The following CHRM1 variants were observed in gnomAD, a reference collection of about 807,000 sequenced individuals.
CHRM1 encodes cholinergic receptor muscarinic 1.
Under a neutral mutation model 31.6 loss-of-function variants are expected in CHRM1, and 5 were observed. The observed-to-expected ratio is 0.16, with a 90% confidence interval of 0.08 to 0.33. The LOEUF (loss-of-function observed/expected upper bound fraction) is 0.33, where lower values mean the gene tolerates loss of function less well. Among genes scored for constraint, CHRM1 ranks in the 10% least tolerant of loss-of-function variants. The pLI is 1.00. For missense variants in CHRM1, 338 were observed against 610.3 expected, an observed-to-expected ratio of 0.55 and a Z score of 4.70; for synonymous variants, 227 against 249.7, an observed-to-expected ratio of 0.91 and a Z score of 0.86.
chr11:62,914,082 C>T (rs2085887629), intron 1 of CHRM1, among the ~76,000 whole-genome samples: 2 of 152,112 alleles, frequency 1.3e-5, no homozygotes, highest in African/African-American at 4.8e-5. Flanking sequence ...GCTGGGACTA[C>T]AGGCGCCTGC....
chr11:62,921,147 C>T (rs895384009), intron 1 of CHRM1, 71 bp downstream of exon 1: 2 of 152,782 alleles, frequency 1.3e-5, no homozygotes, highest in African/African-American at 2.4e-5. Flanking sequence ...CCCTGCCCTC[C>T]CCCGCTCCCC....
chr11:62,911,520 C>T (rs562164230), intron 1 of CHRM1, among the ~76,000 whole-genome samples: 49 of 152,220 alleles, frequency 3.2e-4, no homozygotes, highest in Non-Finnish European at 6.3e-4. Context: ...TGTATACAGT[C>T]CTGCCAAATT....
intron 1 of CHRM1, among the ~76,000 whole-genome samples, chr11:62,912,205 A>G (rs1277376262): frequency 6.6e-6 from 1 of 151,846 alleles, no homozygotes; most frequent in East Asian, 1.9e-4. Context: ...CATCTCTACT[A>G]AAAATACAAA....
At chr11:62,919,556 C>T (rs2085919855) in intron 1 of CHRM1, among the ~76,000 whole-genome samples, 1 of 152,156 alleles carries the variant, frequency 6.6e-6, no homozygotes, top group Admixed American at 6.5e-5. Context: ...TCCGCAAGCC[C>T]CCTGCTCCTG....
chr11:62,910,225 C>A lies in CHRM1; in HGVS notation c.876G>T (p.Glu292Asp). ...EGSMESLTSS[E>D]GEEPGSEVVI... is the part of the protein sequence containing the mutation. ...CCACTTCGGAGCCAGGCTCCTCTCC[C>A]TCTGAGGATGTGAGGGACTCCATGG... The change falls in exon 2 of 2, where the codon GAG becomes GAT. Residue 292 changes from glutamate to aspartate, a missense_variant. Physicochemically the swap from Glu to Asp is conservative, Grantham distance 45. This residue lies in a region of CHRM1 where 183 missense variants were observed against 223.4 expected (regional missense o/e 0.82). Transcript: ENST00000306960. This position sits in a 1 kb window ranked among gnomAD's most constrained non-coding sequence, Gnocchi z 8.7. 3 of 1,610,764 alleles carry A rather than the reference C, an allele frequency of 1.9e-6. No homozygotes were observed. Among genetic ancestry groups the A allele is most frequent in the Non-Finnish European group, 2.5e-6 (3 of 1,178,686 alleles).
In CHRM1 at chr11:62,910,398, C is replaced by A. The variant is rs1590648804; in HGVS notation, c.703G>T (p.Gly235Cys). The change falls in exon 2 of 2, where the codon GGT (glycine) becomes TGT (cysteine). Residue 235 changes from glycine to cysteine, a missense_variant. By Grantham distance (159) the Gly-to-Cys change is radical. This residue lies in a region of CHRM1 where 183 missense variants were observed against 223.4 expected (regional missense o/e 0.82). Coordinates refer to ENST00000306960, the MANE Select transcript of CHRM1 (RefSeq NM_000738.3). This position sits in a 1 kb window ranked among gnomAD's most constrained non-coding sequence, Gnocchi z 8.7. ...CTCTCTGAGCTGCTGCTGCTGCCAC[C>A]CCCTTTGCCTGGCGTCTCGGAGCCC... ...LQGSETPGKG[G>C]GSSSSSERSQ... is the part of the protein sequence containing the mutation. 2 of 1,611,756 alleles carry A rather than the reference C, an allele frequency of 1.2e-6. No individual in the cohort carries two copies. Among genetic ancestry groups the A allele is most frequent in the Non-Finnish European group, 1.7e-6 (2 of 1,180,008 alleles).
At chr11:62,917,386 TG>T (rs1371696013) in intron 1 of CHRM1, among the ~76,000 whole-genome samples, 4 of 152,168 alleles carry the variant, frequency 2.6e-5, no homozygotes, top group Non-Finnish European at 4.4e-5. Flanking sequence ...CCATGGGGGC[TG>T]GGGCTCACAT....
Position 62,909,678 on chromosome 11 carries a change from T to TC in CHRM1, c.*39dup. ...CCCCTGCCCTCTTCCCACCGGCCTT[T>TC]CCCGGGGACTGGGGTGGAGGGATGC... On this transcript the variant is annotated 3_prime_UTR_variant, in exon 2 of 2. Transcript: ENST00000306960. 1 of 1,596,712 alleles carries TC rather than the reference T, an allele frequency of 6.3e-7. No individual in the cohort carries two copies. Among genetic ancestry groups the TC allele is most frequent in the Non-Finnish European group, 8.5e-7 (1 of 1,170,854 alleles).
In CHRM1 at chr11:62,910,484, G is replaced by A. The variant is rs750443392; in HGVS notation, c.617C>T (p.Thr206Met). The A allele has an allele frequency of 5.4e-5, 87 of 1,614,030 alleles. No individual in the cohort carries two copies. The highest frequency in any genetic ancestry group is 6.4e-5 in the Non-Finnish European group (76 of 1,180,044). The change falls in exon 2 of 2, where the codon ACG becomes ATG. Residue 206 changes from threonine (T) to methionine (M), a missense_variant. Transcript: ENST00000306960. This position sits in a 1 kb window ranked among gnomAD's most constrained non-coding sequence, Gnocchi z 8.7. Reference sequence around the variant, plus strand: ...CTCCCGGTAGATGCGCCAGTAGAGCGTGCACATGACTGTGACAGGGAGGTA... The same window carrying A: ...CTCCCGGTAGATGCGCCAGTAGAGCATGCACATGACTGTGACAGGGAGGTA... Reference protein sequence around the residue: ...AFYLPVTVMCTLYWRIYRETE... With the variant: ...AFYLPVTVMCMLYWRIYRETE...
In CHRM1 at chr11:62,909,238, C is replaced by T. The variant is rs559492833; in HGVS notation, c.*480G>A. 3 of 172,496 alleles carry T rather than the reference C, an allele frequency of 1.7e-5. No homozygotes were observed. The highest frequency in any genetic ancestry group is 1.4e-4 in the South Asian group (1 of 7,336). 10.7% of individuals were successfully genotyped at this position (172,496 alleles called of 1,614,324 possible). A position where few individuals can be genotyped will look rare whatever the true frequency, so the allele number is the denominator to read the frequency against. On this transcript the variant is annotated 3_prime_UTR_variant, in exon 2 of 2. Coordinates refer to ENST00000306960, the MANE Select transcript of CHRM1 (RefSeq NM_000738.3). The stretch of plus-strand genomic sequence containing the variant: ...AGGTGGGCGGGCTCTGCCTATGAAG[C>T]GAGGGGATTCCCCAGCTCCCTGTCA...
At position 62,910,663 on chromosome 11, in the gene CHRM1, G is replaced by A. The variant is rs768590544; in HGVS notation, c.438C>T (p.Ile146=). The change falls in exon 2 of 2, where the codon ATC becomes ATT. Residue 146 remains isoleucine, a synonymous_variant. Transcript: ENST00000306960. This position sits in a 1 kb window ranked among gnomAD's most constrained non-coding sequence, Gnocchi z 8.7. The stretch of plus-strand genomic sequence containing the variant: ...CAAAGGAAACCAGCCAGGCCAGGCC[G>A]ATCATCAGAGCTGCCCGGCGGGGTG... ...KRTPRRAALM[I]GLAWLVSFVL... 27 of 1,614,014 alleles carry A rather than the reference G, an allele frequency of 1.7e-5. No individual in the cohort carries two copies. The highest frequency in any genetic ancestry group is 1.2e-4 in the African/African-American group (9 of 74,920).
At chr11:62,912,432 G>A (rs2085876690) in intron 1 of CHRM1, among the ~76,000 whole-genome samples, 1 of 152,056 alleles carries the variant, frequency 6.6e-6, no homozygotes, top group Non-Finnish European at 1.5e-5. Context: ...CAGGAAGCAG[G>A]GATGAGGGCC....
At chr11:62,920,996 C>T (rs1265390200) in intron 1 of CHRM1, among the ~76,000 whole-genome samples, 1 of 152,122 alleles carries the variant, frequency 6.6e-6, no homozygotes, top group Non-Finnish European at 1.5e-5. Flanking sequence ...AGAAAAACAT[C>T]AGCTATATCC....
rs900929520 is a variant in CHRM1 at position 62,910,895 on chromosome 11, C to T, written c.206G>A (p.Cys69Tyr). The part of the protein sequence containing the change: ...VNNYFLLSLA[C>Y]ADLIIGTFSM... ...GAAGGTACCGATGATGAGGTCAGCA[C>T]AGGCCAGGCTCAGCAGGAAGTAGTT... Residue 69 changes from cysteine to tyrosine, a missense_variant, in exon 2 of 2, where the codon TGT (cysteine) becomes TAT (tyrosine). By Grantham distance (194) the Cys-to-Tyr change is radical (BLOSUM62 -2). This residue lies in a region of CHRM1 where 85 missense variants were observed against 257.7 expected (regional missense o/e 0.33). Transcript: ENST00000306960. The surrounding 1 kb of genome is among the most constrained non-coding windows in gnomAD (Gnocchi z 8.7). 2.5e-6 allele frequency: 4 copies of T among 1,614,084 alleles called. No individual in the cohort carries two copies. The highest frequency in any genetic ancestry group is 3.4e-6 in the Non-Finnish European group (4 of 1,180,044).
rs748255993 is a variant in CHRM1, at chr11:62,910,091, G to A, written c.1010C>T (p.Ala337Val). The A allele has an allele frequency of 2.5e-6, 4 of 1,612,336 alleles. No homozygotes were observed. Among genetic ancestry groups the A allele is most frequent in the Admixed American group, 1.7e-5 (1 of 59,956 alleles). The change falls in exon 2 of 2, where the codon GCT becomes GTT. Residue 337 changes from alanine (A) to valine (V), a missense_variant. Physicochemically the swap from Ala to Val is moderately conservative, Grantham distance 64. Transcript: ENST00000306960. The surrounding 1 kb of genome is among the most constrained non-coding windows in gnomAD (Gnocchi z 8.7). The part of the protein sequence containing the change: ...KRPTKKGRDR[A>V]GKGQKPRGKE... ...TCCACGGGGCTTCTGGCCCTTGCCA[G>A]CTCGATCACGCCCTTTCTTAGTCGG... is the stretch of plus-strand genomic sequence containing the variant.
chr11:62,918,439 G>T (rs563219712), intron 1 of CHRM1: 2 of 152,182 alleles, frequency 1.3e-5, no homozygotes, highest in Non-Finnish European at 2.9e-5. Flanking sequence ...TCCAGAGCAT[G>T]GTCCAGAGGC....
chr11:62,910,156 G>C lies in CHRM1; in HGVS notation c.945C>G (p.Thr315=). The stretch of plus-strand genomic sequence containing the variant: ...TTGGGGAGCTCCGTGGGGGCTGCTT[G>C]GTGGGGGCCTGTGCCTCGGGGTCCA... ...PMVDPEAQAP[T]KQPPRSSPNT... is the part of the protein sequence containing the mutation. The change falls in exon 2 of 2, where the codon ACC becomes ACG. Residue 315 remains threonine (T), a synonymous_variant. Transcript: ENST00000306960. The surrounding 1 kb of genome is among the most constrained non-coding windows in gnomAD (Gnocchi z 8.7). 6.2e-7 allele frequency: 1 copy of C among 1,605,550 alleles called. No individual in the cohort carries two copies. The highest frequency in any genetic ancestry group is 1.1e-5 in the South Asian group (1 of 89,728).
chr11:62,918,258 T>A (rs1219682079), intron 1 of CHRM1: 1 of 152,324 alleles, frequency 6.6e-6, no homozygotes. Context: ...GTGGGTCTAC[T>A]GGAGCTCTTT....
At chr11:62,917,117 A>G (rs2085904535) in intron 1 of CHRM1, among the ~76,000 whole-genome samples, 1 of 152,206 alleles carries the variant, frequency 6.6e-6, no homozygotes, top group African/African-American at 2.4e-5. Context: ...ACCTTGTCCA[A>G]GTCTCCTTAA....
Sources: gnomAD v4.1 joint callset for allele counts (sites outside exome capture counted in the v4.1 genomes callset) on GRCh38, gnomAD v4.1.1 for gene constraint, gnomAD v4.1.1 regional missense constraint, Gnocchi (gnomAD v3.1) non-coding constraint, MANE v1.5 for transcripts, NCBI Gene and HGNC (gene_info 2026-07-23, HGNC 2026-07-21) for gene names.